PTPRN2: variants seen among roughly 807,000 people sequenced by gnomAD.
PTPRN2 encodes receptor-type tyrosine-protein phosphatase N2.
In PTPRN2, 74 loss-of-function variants were observed where a neutral mutation model predicts 118.8. The ratio of observed to expected loss-of-function variants is 0.62; its 90% confidence interval spans 0.52 to 0.76. The LOEUF (loss-of-function observed/expected upper bound fraction) is 0.76. Ranked by LOEUF, PTPRN2 falls within the 30% of genes least tolerant of loss-of-function variation. The pLI, the probability that PTPRN2 is intolerant of heterozygous loss-of-function variation, is 0.00. For missense variants in PTPRN2, 1,481 were observed against 1,394.4 expected, an observed-to-expected ratio of 1.06 and a Z score of -0.99; for synonymous variants, 641 against 608.0, an observed-to-expected ratio of 1.05 and a Z score of -0.80.
At chr7:158,306,642 C>G (rs1455491935) in intron 3 of PTPRN2, among the ~76,000 whole-genome samples, 3 of 152,146 alleles carry the variant, frequency 2.0e-5, no homozygotes, top group African/African-American at 7.2e-5. Flanking sequence ...CAACAATAAA[C>G]AGCAACAACA....
chr7:158,340,440 G>C (rs1329709521), intron 2 of PTPRN2, among the ~76,000 whole-genome samples: 1 of 88,042 alleles, frequency 1.1e-5, no homozygotes, highest in African/African-American at 4.0e-5. Context: ...CTCACCGTAA[G>C]AGCTGACACC....
chr7:158,260,621 C>T (rs138314764), intron 3 of PTPRN2, among the ~76,000 whole-genome samples: 1 of 152,284 alleles, frequency 6.6e-6, no homozygotes, highest in Non-Finnish European at 1.5e-5. Flanking sequence ...CATTCTAATG[C>T]TGATAGTAAG....
At chr7:158,171,350 C>CATAT (rs1823688919) in intron 5 of PTPRN2, among the ~76,000 whole-genome samples, 1 of 87,106 alleles carries the variant, frequency 1.1e-5, no homozygotes, top group Non-Finnish European at 2.2e-5. Flanking sequence ...TATATATATA[C>CATAT]ACACACACAT....
At chr7:157,952,415 G>T (rs1243476933) in intron 11 of PTPRN2, among the ~76,000 whole-genome samples, 1 of 117,052 alleles carries the variant, frequency 8.5e-6, no homozygotes, top group Admixed American at 8.4e-5. Context: ...CGGGGTGGGG[G>T]ACACGGGGGG....
chr7:158,490,313 AGGAGGCAGC>A (rs1821353327), intron 1 of PTPRN2, among the ~76,000 whole-genome samples: 1 of 152,226 alleles, frequency 6.6e-6, no homozygotes, highest in Non-Finnish European at 1.5e-5. Context: ...GGGAGAGGAA[AGGAGGCAGC>A]GGAGGCAGCA....
At chr7:157,614,861 C>T (rs1490361189) in intron 15 of PTPRN2, among the ~76,000 whole-genome samples, 4 of 152,342 alleles carry the variant, frequency 2.6e-5, no homozygotes, top group Admixed American at 1.3e-4. Context: ...CCGCAGCCTC[C>T]GGCCTCCAGG....
At chr7:157,978,221 A>G (rs12698117) in intron 11 of PTPRN2, among the ~76,000 whole-genome samples, 100,467 of 151,702 alleles carry the variant, frequency 0.66, 33,890 homozygotes, top group East Asian at 0.74. Flanking sequence ...GCTCTCAGAC[A>G]TCGGTGAAAC....
intron 6 of PTPRN2, among the ~76,000 whole-genome samples, chr7:158,141,741 T>C (rs1819406929): frequency 6.6e-6 from 1 of 152,188 alleles, no homozygotes; most frequent in Non-Finnish European, 1.5e-5. Flanking sequence ...TTTGAAAACC[T>C]GAGTCCTGTC....
At chr7:158,486,367 A>G (rs541279351) in intron 2 of PTPRN2, among the ~76,000 whole-genome samples, 7 of 152,350 alleles carry the variant, frequency 4.6e-5, no homozygotes, top group African/African-American at 1.4e-4. Context: ...TTATGCCTTT[A>G]GAATGTTTAG....
chr7:157,833,738 C>T (rs1342904394), intron 12 of PTPRN2, among the ~76,000 whole-genome samples: 1 of 152,236 alleles, frequency 6.6e-6, no homozygotes, highest in Non-Finnish European at 1.5e-5. Flanking sequence ...ATGATCTTAT[C>T]CGCTGCTTCA....
rs112667755 is a variant in PTPRN2, at chr7:158,559,677, C to T, written c.112+27881G>A. 3.3e-3 allele frequency among the ~76,000 whole-genome samples: 505 copies of T among 152,238 alleles called. 3 individuals are homozygous for T. The highest frequency in any genetic ancestry group is 0.012 in the African/African-American group (480 of 41,542). On this transcript the variant is annotated intron_variant, in intron 1 of 22. Transcript: ENST00000389418. The stretch of plus-strand genomic sequence containing the variant: ...CCCTGCATCACCTTTTGGCCCCTTC[C>T]CTGCCACTCCCTCTCACAGAAGTGA...
At chr7:158,180,275 A>G (rs1824585876) in intron 5 of PTPRN2, among the ~76,000 whole-genome samples, 1 of 152,196 alleles carries the variant, frequency 6.6e-6, no homozygotes, top group Admixed American at 6.5e-5. Flanking sequence ...TTCAAAGATC[A>G]GTTGGTTGTA....
intron 9 of PTPRN2, among the ~76,000 whole-genome samples, chr7:158,128,066 C>T (rs764080198): frequency 2.0e-5 from 3 of 152,174 alleles, no homozygotes; most frequent in Admixed American, 6.5e-5. Flanking sequence ...GAGGTGACAC[C>T]GAGTTCTAAA....
Position 157,692,796 on chromosome 7 carries a change from C to T in PTPRN2, c.1789-9859G>A, listed in dbSNP as rs542752694. Among the ~76,000 whole-genome samples the T allele has an allele frequency of 3.9e-4, 59 of 152,192 alleles. No individual in the cohort carries two copies. In the South Asian group the frequency reaches 0.01, roughly 27 times the overall value. The stretch of plus-strand genomic sequence containing the variant: ...GCGGGGACGGGGTACATCACCTTGG[C>T]CCTCTCGTCCCCCCTGCCCAGGGCA... On this transcript the variant is annotated intron_variant, in intron 12 of 22. Transcript: ENST00000389418.
intron 12 of PTPRN2, among the ~76,000 whole-genome samples, chr7:157,873,604 G>A (rs1215487543): frequency 6.6e-5 from 6 of 91,554 alleles, no homozygotes; most frequent in Non-Finnish European, 2.1e-5. Flanking sequence ...CGTGGGGGCC[G>A]GGAGGAGAAC....
Position 158,006,644 on chromosome 7 carries a change from A to T in PTPRN2, c.1723+74654T>A, listed in dbSNP as rs977158623. 5.9e-5 allele frequency among the ~76,000 whole-genome samples: 9 copies of T among 152,272 alleles called. No homozygotes were observed. The East Asian group carries it at 1.7e-3, about 29-fold the overall frequency. On this transcript the variant is annotated intron_variant, in intron 11 of 22. Transcript: ENST00000389418. ...CTTCCTTAAGGGCCATCCCACCCCTATGGAGATAGATGCCAGGGCTTGGGA... is the reference window on the plus strand; with the variant it reads ...CTTCCTTAAGGGCCATCCCACCCCTTTGGAGATAGATGCCAGGGCTTGGGA...
chr7:157,628,022 T>C (rs1174442567), intron 14 of PTPRN2, among the ~76,000 whole-genome samples: 2 of 152,216 alleles, frequency 1.3e-5, no homozygotes, highest in Non-Finnish European at 2.9e-5. Context: ...CCCTGTCTCA[T>C]GGTGTTTTCT....
At chr7:158,124,343 G>A (rs1817439986) in intron 9 of PTPRN2, among the ~76,000 whole-genome samples, 1 of 152,208 alleles carries the variant, frequency 6.6e-6, no homozygotes, top group Non-Finnish European at 1.5e-5. Context: ...GTTTACAGAT[G>A]GTTCTGCATG....
chr7:158,344,476 C>T (rs949379963), intron 2 of PTPRN2, among the ~76,000 whole-genome samples: 1 of 152,182 alleles, frequency 6.6e-6, no homozygotes, highest in African/African-American at 2.4e-5. Context: ...CTTGCAACGC[C>T]TTGCACCCAG....
Sources: allele counts gnomAD v4.1 joint callset (sites outside exome capture counted in the v4.1 genomes callset), GRCh38; gene constraint gnomAD v4.1.1; transcripts MANE v1.5; gene names NCBI Gene and HGNC (gene_info 2026-07-23, HGNC 2026-07-21).